The following SSH2 variants were observed in gnomAD, a reference collection of about 807,000 sequenced individuals.
The protein encoded by SSH2 is slingshot protein phosphatase 2.
SSH2 carries 37 observed loss-of-function variants against 135.2 expected under a neutral mutation model. The observed-to-expected ratio is 0.27, with a 90% CI of 0.21 to 0.36. The LOEUF is 0.36. Ranked by LOEUF, SSH2 falls within the 10% of genes least tolerant of loss-of-function variation. SSH2 has a pLI of 1.00. For synonymous variants in SSH2, 628 were observed against 646.2 expected (o/e 0.97, Z 0.43); for missense variants, 1,408 against 1,765.3 (o/e 0.80, Z 3.63).
At position 29,626,830 on chromosome 17, in the gene SSH2, G is replaced by T. The variant is rs1227544020; in HGVS notation, c.*4011C>A. On this transcript the variant is annotated 3_prime_UTR_variant, in exon 16 of 16. Transcript: ENST00000540801. ...ATGCCTTGATCTTTTAGTTTGGAAG[G>T]GAAAACAAAGTCCAAGATGCTTTTA... The T allele has an allele frequency of 6.6e-6, 1 of 152,534 alleles. No individual in the cohort carries two copies. Among genetic ancestry groups the T allele is most frequent in the Non-Finnish European group, 1.5e-5 (1 of 68,028 alleles). The allele number at this position is 152,534 out of a possible 1,614,324, so 9.4% of individuals were successfully genotyped here.
At chr17:29,696,424 C>T (rs1261291819) in intron 4 of SSH2, among the ~76,000 whole-genome samples, 1 of 145,044 alleles carries the variant, frequency 6.9e-6, no homozygotes, top group Admixed American at 6.9e-5. Context: ...AATATATATA[C>T]ACATATATGT....
chr17:29,828,259 G>A (rs2042780332), intron 2 of SSH2, among the ~76,000 whole-genome samples: 1 of 152,104 alleles, frequency 6.6e-6, no homozygotes, highest in Admixed American at 6.5e-5. Flanking sequence ...CGTAGCACTT[G>A]GCAGCAAAAC....
At chr17:29,679,783 T>G (rs2037889867) in intron 6 of SSH2, among the ~76,000 whole-genome samples, 1 of 152,356 alleles carries the variant, frequency 6.6e-6, no homozygotes, top group Non-Finnish European at 1.5e-5. Flanking sequence ...TAAAAATATC[T>G]TCTTCATTGT....
At chr17:29,701,581 CT>C (rs988228027) in intron 4 of SSH2, among the ~76,000 whole-genome samples, 3 of 150,934 alleles carry the variant, frequency 2.0e-5, no homozygotes, top group African/African-American at 7.3e-5. Context: ...CACTAATTTT[CT>C]TTTTTTGAAG....
intron 3 of SSH2, among the ~76,000 whole-genome samples, chr17:29,751,416 C>CA (rs140508892): frequency 2.7e-4 from 39 of 143,880 alleles, no homozygotes; most frequent in East Asian, 2.6e-3. Context: ...ACTCCTGTCT[C>CA]AAAAAAAAAG....
chr17:29,669,250 C>CA (rs202010223), intron 9 of SSH2, among the ~76,000 whole-genome samples: 1,964 of 139,874 alleles, frequency 0.014, 38 homozygotes, highest in African/African-American at 0.048. Context: ...GACTCCGTCT[C>CA]AAAAAAAAAA....
At chr17:29,864,834 T>C (rs950250482) in intron 1 of SSH2, among the ~76,000 whole-genome samples, 3 of 152,164 alleles carry the variant, frequency 2.0e-5, no homozygotes, top group African/African-American at 7.2e-5. Flanking sequence ...CAGAATCACC[T>C]GACAACTTGC....
At chr17:29,810,311 A>G (rs989304543) in intron 2 of SSH2, among the ~76,000 whole-genome samples, 3 of 152,226 alleles carry the variant, frequency 2.0e-5, no homozygotes, top group Non-Finnish European at 2.9e-5. Context: ...GAATTCTCAT[A>G]GAAACAAAGA....
At chr17:29,888,709 G>A (rs1018381530) in intron 1 of SSH2, among the ~76,000 whole-genome samples, 1 of 151,356 alleles carries the variant, frequency 6.6e-6, no homozygotes, top group Non-Finnish European at 1.5e-5. Context: ...TGAGGTGGGA[G>A]GATCACTTTA....
chr17:29,844,297 T>C (rs931035414), intron 2 of SSH2, among the ~76,000 whole-genome samples: 3 of 152,186 alleles, frequency 2.0e-5, no homozygotes, highest in Non-Finnish European at 4.4e-5. Context: ...GGAAATGAGA[T>C]AAATAAGTTT....
At chr17:29,763,510 AAGC>A (rs1418735412) in intron 3 of SSH2, among the ~76,000 whole-genome samples, 4 of 151,860 alleles carry the variant, frequency 2.6e-5, no homozygotes, top group African/African-American at 7.3e-5. Flanking sequence ...AAAAAAAAAA[AAGC>A]AGGCGCGTTA....
chr17:29,892,049 T>C (rs28570425), intron 1 of SSH2, among the ~76,000 whole-genome samples: 4,494 of 152,080 alleles, frequency 0.03, 207 homozygotes, highest in African/African-American at 0.1. Flanking sequence ...TTTCTTTTTT[T>C]TTTCTTTCTT....
intron 3 of SSH2, among the ~76,000 whole-genome samples, chr17:29,769,813 T>A (rs1267053115): frequency 6.6e-6 from 1 of 152,188 alleles, no homozygotes; most frequent in Non-Finnish European, 1.5e-5. Flanking sequence ...GTTTGACTAA[T>A]CTTGAATACC....
At position 29,631,895 on chromosome 17, in the gene SSH2, G is replaced by T. The variant is rs202016456; in HGVS notation, c.3299C>A (p.Pro1100His). The T allele has an allele frequency of 8.7e-6, 14 of 1,614,072 alleles. No individual in the cohort carries two copies. The highest frequency in any genetic ancestry group is 1.0e-5 in the Non-Finnish European group (12 of 1,180,036). ...AGAATGAGGCAGAGGTAGCACTTGG[G>T]GGTGCAGAGAAACCTGGTTGGGGTC... ...TLDPNQVSLHPQVLPLPHSSS... is the reference protein window; with the variant it reads ...TLDPNQVSLHHQVLPLPHSSS... Residue 1100 changes from proline to histidine, a missense_variant, in exon 16 of 16, where the codon CCC becomes CAC. Physicochemically the swap from Pro to His is moderately conservative, Grantham distance 77. Around this residue, in one of 3 missense-constraint regions of SSH2, gnomAD observed 1,080 missense variants for 1,144.5 expected, o/e 0.94. Coordinates refer to ENST00000540801, the MANE Select transcript of SSH2 (RefSeq NM_001282129.2).
Position 29,636,326 on chromosome 17 carries a change from A to G in SSH2, c.1904T>C (p.Val635Ala). 6.2e-7 allele frequency: 1 copy of G among 1,614,150 alleles called. No individual in the cohort carries two copies. Among genetic ancestry groups the G allele is most frequent in the Non-Finnish European group, 8.5e-7 (1 of 1,180,028 alleles). The change falls in exon 15 of 16, where the codon GTC becomes GCC. Residue 635 changes from valine (V) to alanine (A), a missense_variant. Val to Ala is a moderately conservative substitution (Grantham distance 64). Transcript: ENST00000540801. ...CAATTCTTCCATAGGCAGTAGGTGG[A>G]CATTCATGTCTGCTTTCAGTGCATC... Reference protein sequence around the residue: ...ETDALKADMNVHLLPMEELTS... With the variant: ...ETDALKADMNAHLLPMEELTS...
At chr17:29,782,147 A>G (rs1167086683) in intron 3 of SSH2, among the ~76,000 whole-genome samples, 21 of 152,006 alleles carry the variant, frequency 1.4e-4, no homozygotes, top group Admixed American at 1.0e-3. Context: ...TGCCGGCCCT[A>G]TGTTTTCTTT....
Position 29,715,251 on chromosome 17 carries a change from C to CT in SSH2, c.189-12190dup, listed in dbSNP as rs869218944. On this transcript the variant is annotated intron_variant, in intron 3 of 15. Transcript: ENST00000540801. ...AGTCCCATGTCCTATTTCTTTCTTT[C>CT]TTTTTTTTTTTTGAGATGGAGTCTC... 7.2e-3 allele frequency among the ~76,000 whole-genome samples: 907 copies of CT among 125,124 alleles called. 8 individuals carry two copies. Among genetic ancestry groups the CT allele is most frequent in the African/African-American group, 0.028 (625 of 22,210 alleles). The allele number at this position is 125,124 out of a possible 152,430, so 82.1% of individuals were successfully genotyped here.
chr17:29,913,413 C>A (rs139767395), intron 1 of SSH2, among the ~76,000 whole-genome samples: 2 of 105,814 alleles, frequency 1.9e-5, no homozygotes, highest in Admixed American at 1.3e-4. Context: ...TAGTAAAGGG[C>A]TTTTACACTA....
Position 29,913,347 on chromosome 17 carries a change from A to AAAAAATTATAT in SSH2, c.63+16590_63+16591insATATAATTTTT. ...AAAAAAAAAAAAAAAAAAAAAAAAA[A>AAAAAATTATAT]ATATATATATATATATATATATATA... On this transcript the variant is annotated intron_variant, in intron 1 of 15. Transcript: ENST00000540801. 4.2e-4 allele frequency among the ~76,000 whole-genome samples: 12 copies of AAAAAATTATAT among 28,786 alleles called. 3 individuals are homozygous for AAAAAATTATAT. In the East Asian group the frequency reaches 0.018, roughly 43 times the overall value. The allele number at this position is 28,786 out of a possible 152,430, so 18.9% of individuals were successfully genotyped here.
Sources: allele counts gnomAD v4.1 joint callset (sites outside exome capture counted in the v4.1 genomes callset), GRCh38; gene constraint gnomAD v4.1.1; regional missense constraint gnomAD v4.1.1; transcripts MANE v1.5; gene names NCBI Gene and HGNC (gene_info 2026-07-23, HGNC 2026-07-21).